NXPE3: variants seen among roughly 807,000 people sequenced by gnomAD.
NXPE3 encodes the protein NXPE family member 3.
NXPE3 carries 26 observed loss-of-function variants against 46.1 expected under a neutral mutation model. The observed-to-expected ratio is 0.56, with a 90% CI of 0.41 to 0.78. The LOEUF (loss-of-function observed/expected upper bound fraction) is 0.78, where lower values mean the gene tolerates loss of function less well. NXPE3 is among the 30% of genes least tolerant of loss of function. NXPE3 has a pLI of 0.00. For missense variants in NXPE3, 620 were observed against 686.0 expected (o/e 0.90, Z 1.07); for synonymous variants, 272 against 257.9 (o/e 1.05, Z -0.52).
intron 4 of NXPE3, among the ~76,000 whole-genome samples, chr3:101,798,222 C>A (rs1320932646): frequency 6.6e-6 from 1 of 152,094 alleles, no homozygotes. Context: ...TTAAGCTATT[C>A]TTTGCCTCAG....
In NXPE3 at chr3:101,825,064, G is replaced by A. The variant is rs1361660551; in HGVS notation, c.*3110G>A. 1.3e-5 allele frequency: 2 copies of A among 152,024 alleles called. No individual in the cohort carries two copies. Among genetic ancestry groups the A allele is most frequent in the Admixed American group, 6.6e-5 (1 of 15,260 alleles). The allele number at this position is 152,024 out of a possible 1,614,324, so 9.4% of individuals were successfully genotyped here. ...CAGTTTGTTTCATAGGTAAACTTACGTCATGGGGGTTTGTTGTATAGATGA... is the reference window on the plus strand; with the variant it reads ...CAGTTTGTTTCATAGGTAAACTTACATCATGGGGGTTTGTTGTATAGATGA... On this transcript the variant is annotated 3_prime_UTR_variant, in exon 8 of 8. Coordinates refer to ENST00000273347, the MANE Select transcript of NXPE3 (RefSeq NM_145037.4).
At position 101,822,025 on chromosome 3, in the gene NXPE3, C is replaced by A; in HGVS notation, c.*71C>A. 1.4e-6 allele frequency: 2 copies of A among 1,422,850 alleles called. No individual in the cohort carries two copies. Among genetic ancestry groups the A allele is most frequent in the South Asian group, 1.3e-5 (1 of 77,638 alleles). The allele number at this position is 1,422,850 out of a possible 1,614,324, so 88.1% of individuals were successfully genotyped here. On this transcript the variant is annotated 3_prime_UTR_variant, in exon 8 of 8. Coordinates refer to ENST00000273347, the MANE Select transcript of NXPE3 (RefSeq NM_145037.4). ...AATTGACCTGAGTTACAGAAAGTGG[C>A]CCCAGTGAGAGATGACTGCCCTTAA... is the stretch of plus-strand genomic sequence containing the variant.
At chr3:101,784,138 C>T (rs1329405388) in intron 3 of NXPE3, among the ~76,000 whole-genome samples, 1 of 152,042 alleles carries the variant, frequency 6.6e-6, no homozygotes, top group Non-Finnish European at 1.5e-5. Flanking sequence ...CATTGTGTAC[C>T]ATGTAAAGAA....
chr3:101,801,171 T>C (rs1941119313), intron 4 of NXPE3, 64 bp from the exon 5 acceptor site: 36 of 1,507,070 alleles, frequency 2.4e-5, no homozygotes, highest in Non-Finnish European at 3.1e-5. Context: ...GCCCTCTGAA[T>C]TTATGCCAAA....
intron 6 of NXPE3, among the ~76,000 whole-genome samples, chr3:101,813,092 C>G (rs1941798841): frequency 6.6e-6 from 1 of 152,100 alleles, no homozygotes; most frequent in Non-Finnish European, 1.5e-5. Flanking sequence ...CAGAGTGTTC[C>G]TAACCAGCTC....
At chr3:101,794,020 T>C (rs955457217) in intron 4 of NXPE3, among the ~76,000 whole-genome samples, 3 of 152,070 alleles carry the variant, frequency 2.0e-5, no homozygotes, top group Admixed American at 6.5e-5. Context: ...GTCCTTGGGC[T>C]CATCTCGTTT....
At chr3:101,812,366 T>C (rs1320052968) in intron 6 of NXPE3, among the ~76,000 whole-genome samples, 1 of 152,152 alleles carries the variant, frequency 6.6e-6, no homozygotes, top group African/African-American at 2.4e-5. Flanking sequence ...CATATAAAAC[T>C]ACTAACTGAT....
rs772690057 is a variant in NXPE3 at position 101,828,057 on chromosome 3, G to C, written c.*6103G>C. 5 of 152,204 alleles carry C rather than the reference G, an allele frequency of 3.3e-5. No homozygotes were observed. The highest frequency in any genetic ancestry group is 5.9e-5 in the Non-Finnish European group (4 of 68,046). The allele number at this position is 152,204 out of a possible 1,614,324, so 9.4% of individuals were successfully genotyped here. On this transcript the variant is annotated 3_prime_UTR_variant, in exon 8 of 8. Coordinates refer to ENST00000273347, the MANE Select transcript of NXPE3 (RefSeq NM_145037.4). ...AGGCTGCTTAGCTGCTGCTTATCAT[G>C]TAACCTCAAAAGGAAACTGATCGTC... is the stretch of plus-strand genomic sequence containing the variant.
intron 4 of NXPE3, among the ~76,000 whole-genome samples, chr3:101,798,559 A>C (rs1470900457): frequency 9.5e-5 from 14 of 146,756 alleles, no homozygotes; most frequent in Admixed American, 8.9e-4. Context: ...ATATATGTCT[A>C]TATATATAAT....
At chr3:101,783,122 C>T (rs763073880) in intron 3 of NXPE3, among the ~76,000 whole-genome samples, 25 of 152,032 alleles carry the variant, frequency 1.6e-4, no homozygotes, top group Admixed American at 3.3e-4. Context: ...AGTGCAGTGG[C>T]GTGATCTCCG....
intron 4 of NXPE3, among the ~76,000 whole-genome samples, chr3:101,795,274 T>C (rs191539534): frequency 3.2e-4 from 49 of 152,280 alleles, no homozygotes; most frequent in African/African-American, 7.7e-4. Context: ...TCCTAGCACA[T>C]TGGGAGGCCC....
At chr3:101,799,140 A>G (rs994802118) in intron 4 of NXPE3, among the ~76,000 whole-genome samples, 5 of 151,634 alleles carry the variant, frequency 3.3e-5, no homozygotes, top group Non-Finnish European at 7.4e-5. Context: ...GGGTCTTGCT[A>G]TGTTTCCCAG....
intron 5 of NXPE3, among the ~76,000 whole-genome samples, chr3:101,806,045 A>G (rs578124609): frequency 3.4e-3 from 512 of 152,220 alleles, no homozygotes; most frequent in African/African-American, 0.012. Context: ...AGGCCTGTAC[A>G]CTTCCTTCAT....
At chr3:101,802,118 G>A in intron 5 of NXPE3, 129 bp downstream of exon 5, 1 of 762,786 alleles carries the variant, frequency 1.3e-6, no homozygotes, top group South Asian at 2.6e-5. Context: ...ATACAGAAGA[G>A]GTAGTGAATA....
rs1942546968 is a variant in NXPE3 at position 101,827,514 on chromosome 3, C to G, written c.*5560C>G. ...AAAAGCTATATGGTAAAAGGTAACTCCCTCCACCCGCCCACTGCACCCTCA... is the reference window on the plus strand; with the variant it reads ...AAAAGCTATATGGTAAAAGGTAACTGCCTCCACCCGCCCACTGCACCCTCA... On this transcript the variant is annotated 3_prime_UTR_variant, in exon 8 of 8. Transcript: ENST00000273347. The G allele has an allele frequency of 6.6e-6, 1 of 152,188 alleles. No homozygotes were observed. Among genetic ancestry groups the G allele is most frequent in the South Asian group, 2.1e-4 (1 of 4,834 alleles). 9.4% of individuals were successfully genotyped at this position (152,188 alleles called of 1,614,324 possible).
At chr3:101,795,042 A>G (rs1940744819) in intron 4 of NXPE3, among the ~76,000 whole-genome samples, 1 of 152,180 alleles carries the variant, frequency 6.6e-6, no homozygotes, top group Non-Finnish European at 1.5e-5. Flanking sequence ...ATTTTAAGCT[A>G]CTTATTACTG....
At chr3:101,818,517 A>G (rs545032705) in intron 7 of NXPE3, among the ~76,000 whole-genome samples, 1 of 151,748 alleles carries the variant, frequency 6.6e-6, no homozygotes, top group South Asian at 2.1e-4. Flanking sequence ...TACTTTACAG[A>G]CATATCTTCA....
chr3:101,819,540 C>T (rs1459332362), intron 7 of NXPE3, among the ~76,000 whole-genome samples: 2 of 152,128 alleles, frequency 1.3e-5, no homozygotes, highest in African/African-American at 2.4e-5. Flanking sequence ...AACAGGGTTG[C>T]TTCTTTCTTT....
At position 101,801,663 on chromosome 3, in the gene NXPE3, T is replaced by C; in HGVS notation, c.522T>C (p.Thr174=). The change falls in exon 5 of 8, where the codon ACT becomes ACC. Residue 174 remains threonine (T), a synonymous_variant. Coordinates refer to ENST00000273347, the MANE Select transcript of NXPE3 (RefSeq NM_145037.4). ...YQNGFYKVFF[T]LLWPGKVKVS... ...ATGGGTTTTACAAGGTTTTCTTTACTTTGCTATGGCCAGGCAAAGTTAAAG... is the reference window on the plus strand; with the variant it reads ...ATGGGTTTTACAAGGTTTTCTTTACCTTGCTATGGCCAGGCAAAGTTAAAG... 1 of 1,614,214 alleles carries C rather than the reference T, an allele frequency of 6.2e-7. No homozygotes were observed.
Sources: gnomAD v4.1 joint callset for allele counts (sites outside exome capture counted in the v4.1 genomes callset) on GRCh38, gnomAD v4.1.1 for gene constraint, MANE v1.5 for transcripts, NCBI Gene and HGNC (gene_info 2026-07-23, HGNC 2026-07-21) for gene names.